The following KLF13 variants were observed in gnomAD, a reference collection of about 807,000 sequenced individuals.
The protein encoded by KLF13 is Krueppel-like factor 13.
KLF13 carries 8 observed loss-of-function variants against 16.7 expected under a neutral mutation model. The ratio of observed to expected loss-of-function variants is 0.48; its 90% CI spans 0.28 to 0.87. KLF13 has a LOEUF of 0.87. Ranked by LOEUF, KLF13 falls within the 40% of genes least tolerant of loss-of-function variation. KLF13 has a pLI of 0.10. For synonymous variants in KLF13, 245 were observed against 208.4 expected (o/e 1.18, Z -1.51); for missense variants, 447 against 452.2 (o/e 0.99, Z 0.10).
chr15:31,339,810 C>G (rs987522433), intron 1 of KLF13: 2 of 625,772 alleles, frequency 3.2e-6, no homozygotes, highest in Admixed American at 4.8e-5. Flanking sequence ...CAGTGGATGT[C>G]CTCCCGCCCC....
At chr15:31,386,763 T>C (rs2039800651) in intron 1 of KLF13, among the ~76,000 whole-genome samples, 1 of 152,360 alleles carries the variant, frequency 6.6e-6, no homozygotes, top group African/African-American at 2.4e-5. Flanking sequence ...TGTTAAAGGC[T>C]AACACAGTTG....
At chr15:31,350,866 C>T (rs533342632) in intron 1 of KLF13, among the ~76,000 whole-genome samples, 10 of 152,348 alleles carry the variant, frequency 6.6e-5, no homozygotes, top group African/African-American at 2.2e-4. Flanking sequence ...TTCGCCCAGG[C>T]GCCTTCTGGG....
chr15:31,386,670 C>A (rs1339528736), intron 1 of KLF13, among the ~76,000 whole-genome samples: 1 of 152,214 alleles, frequency 6.6e-6, no homozygotes, highest in South Asian at 2.1e-4. Flanking sequence ...ATGAAACTGA[C>A]TCTATTTGAG....
intron 2 of KLF13, among the ~76,000 whole-genome samples, chr15:31,399,868 C>G (rs559851633): frequency 6.6e-6 from 1 of 152,382 alleles, no homozygotes; most frequent in South Asian, 2.1e-4. Flanking sequence ...GGCTCCGGGG[C>G]TTCTGCCATG....
chr15:31,363,227 C>T (rs2039416339), intron 1 of KLF13, among the ~76,000 whole-genome samples: 1 of 152,248 alleles, frequency 6.6e-6, no homozygotes. Flanking sequence ...CTGCCATTAG[C>T]TCCTGATGGA....
intron 2 of KLF13, among the ~76,000 whole-genome samples, chr15:31,394,489 GAA>G (rs751996524): frequency 1.8e-5 from 2 of 113,066 alleles, no homozygotes; most frequent in African/African-American, 3.3e-5. Context: ...TCCGTCTCAA[GAA>G]AAAAAAAAAA....
At chr15:31,389,048 G>A (rs1300096559), upstream of KLF13, among the ~76,000 whole-genome samples, 5 of 152,046 alleles carry the variant, frequency 3.3e-5, no homozygotes, top group South Asian at 4.1e-4. Context: ...TTTGAACTGC[G>A]TGGGTCCACT....
chr15:31,418,795 A>G (rs145760591), intron 1 of KLF13, among the ~76,000 whole-genome samples: 1 of 152,314 alleles, frequency 6.6e-6, no homozygotes, highest in African/African-American at 2.4e-5. Context: ...AGAAATACTC[A>G]AGAATGAGTA....
At chr15:31,339,475 C>CCACG (rs2038987008) in intron 1 of KLF13, among the ~76,000 whole-genome samples, 1 of 152,176 alleles carries the variant, frequency 6.6e-6, no homozygotes, top group Non-Finnish European at 1.5e-5. Context: ...AGAGCACTGG[C>CCACG]CACGATCCAG....
chr15:31,388,798 A>G (rs887030679), upstream of KLF13, among the ~76,000 whole-genome samples: 23 of 149,732 alleles, frequency 1.5e-4, no homozygotes, highest in African/African-American at 5.1e-4. Context: ...TAATGATAAG[A>G]ATGTCTCTTT....
intron 1 of KLF13, among the ~76,000 whole-genome samples, chr15:31,411,483 C>A (rs1362444884): frequency 6.6e-6 from 1 of 150,796 alleles, no homozygotes; most frequent in Non-Finnish European, 1.5e-5. Flanking sequence ...GCAAGCTCTG[C>A]CTCTCAGGTT....
rs1206868513 is a variant in KLF13, at chr15:31,375,355, A to G, written c.*3056A>G. On this transcript the variant is annotated 3_prime_UTR_variant, in exon 2 of 2. Transcript: ENST00000307145. ...CCTGAAACAGCCTCCATTTTCTTCA[A>G]ACATGCAGAATGTTTTCCCAGACTG... 6.6e-6 allele frequency: 1 copy of G among 152,226 alleles called. No homozygotes were observed. Among genetic ancestry groups the G allele is most frequent in the South Asian group, 2.1e-4 (1 of 4,832 alleles). 9.4% of individuals were successfully genotyped at this position (152,226 alleles called of 1,614,324 possible).
intron 1 of KLF13, among the ~76,000 whole-genome samples, chr15:31,428,701 G>C (rs1340447874): frequency 6.6e-6 from 1 of 150,840 alleles, no homozygotes; most frequent in Non-Finnish European, 1.5e-5. Context: ...CCAGCTACTC[G>C]GGAGGCTGAG....
chr15:31,392,088 GT>G (rs1210982412), upstream of KLF13, among the ~76,000 whole-genome samples: 5 of 151,932 alleles, frequency 3.3e-5, no homozygotes, highest in African/African-American at 1.2e-4. Context: ...CCGGGTCGCG[GT>G]CTCCATCCCC....
chr15:31,418,964 C>T (rs1419276688), intron 1 of KLF13, among the ~76,000 whole-genome samples: 2 of 152,104 alleles, frequency 1.3e-5, no homozygotes, highest in African/African-American at 4.8e-5. Context: ...TACATATATA[C>T]AAACATAAAT....
At chr15:31,366,979 G>A (rs1423826075) in intron 1 of KLF13, among the ~76,000 whole-genome samples, 3 of 152,270 alleles carry the variant, frequency 2.0e-5, no homozygotes, top group Non-Finnish European at 2.9e-5. Flanking sequence ...ACTGGAATGC[G>A]TGCTTGGGTT....
downstream of KLF13, among the ~76,000 whole-genome samples, chr15:31,381,419 C>T (rs890440599): frequency 6.6e-6 from 1 of 152,142 alleles, no homozygotes; most frequent in Non-Finnish European, 1.5e-5. Flanking sequence ...GTCTTCAAAT[C>T]CATCAGAGTA....
intron 2 of KLF13, among the ~76,000 whole-genome samples, chr15:31,399,150 C>G (rs926887849): frequency 2.6e-5 from 4 of 152,140 alleles, no homozygotes; most frequent in African/African-American, 9.7e-5. Context: ...CCTCTGAAAA[C>G]AAGGGGCCCC....
upstream of KLF13, among the ~76,000 whole-genome samples, chr15:31,389,668 T>A (rs1350434310): frequency 6.6e-6 from 1 of 152,224 alleles, no homozygotes; most frequent in Non-Finnish European, 1.5e-5. Flanking sequence ...ATCCACTCTC[T>A]CTAGGTCCCA....
Sources: allele counts gnomAD v4.1 joint callset (sites outside exome capture counted in the v4.1 genomes callset), GRCh38; gene constraint gnomAD v4.1.1; transcripts MANE v1.5; gene names NCBI Gene and HGNC (gene_info 2026-07-23, HGNC 2026-07-21).